Variants in TMEM245 observed in about 807,000 individuals in gnomAD.
TMEM245 encodes the protein transmembrane protein 245.
In TMEM245, 69 loss-of-function variants were observed where a neutral mutation model predicts 101.2. The ratio of observed to expected loss-of-function variants is 0.68; its 90% CI spans 0.56 to 0.83. The LOEUF (loss-of-function observed/expected upper bound fraction) is 0.83. Ranked by LOEUF, TMEM245 falls within the 40% of genes least tolerant of loss-of-function variation. The pLI, the probability that TMEM245 is intolerant of heterozygous loss-of-function variation, is 0.00. For missense variants in TMEM245, 1,075 were observed against 1,092.8 expected (o/e 0.98, Z 0.23); for synonymous variants, 537 against 449.8 (o/e 1.19, Z -2.45).
chr9:109,105,235 A>G (rs1035509349), intron 3 of TMEM245, among the ~76,000 whole-genome samples: 3 of 152,252 alleles, frequency 2.0e-5, no homozygotes, highest in African/African-American at 7.2e-5. Context: ...ACAAATGGCC[A>G]AAAAGCAAAT....
chr9:109,041,828 AT>A (rs1211067015), intron 14 of TMEM245, among the ~76,000 whole-genome samples: 2 of 152,046 alleles, frequency 1.3e-5, no homozygotes, highest in African/African-American at 4.8e-5. Context: ...AATATATAGC[AT>A]TCATTTTTAT....
intron 17 of TMEM245, among the ~76,000 whole-genome samples, chr9:109,023,443 T>C (rs1431563197): frequency 6.6e-6 from 1 of 152,218 alleles, no homozygotes; most frequent in Non-Finnish European, 1.5e-5. Context: ...CTGAAAATGT[T>C]TAACATCCTA....
intron 6 of TMEM245, among the ~76,000 whole-genome samples, chr9:109,086,326 C>T (rs1046731569): frequency 2.8e-4 from 42 of 152,168 alleles, no homozygotes; most frequent in Admixed American, 1.9e-3. Context: ...TTGCACTGCT[C>T]CGTCTGCTTG....
chr9:109,119,503 G>GGCCTCGAC lies in TMEM245; in HGVS notation c.403_410dup (p.Leu138SerfsTer69). The GGCCTCGAC allele has an allele frequency of 6.6e-7, 1 of 1,512,500 alleles. No individual in the cohort carries two copies. The highest frequency in any genetic ancestry group is 8.8e-7 in the Non-Finnish European group (1 of 1,136,832). The allele number at this position is 1,512,500 out of a possible 1,614,324, so 93.7% of individuals were successfully genotyped here. ...GGCGGCGCAGCGCCTGCTCGCCCAGGGCCTCGACGCCGTAGTCGACGAAGC... is the reference window on the plus strand; with the variant it reads ...GGCGGCGCAGCGCCTGCTCGCCCAGGGCCTCGACGCCTCGACGCCGTAGTCGACGAAGC... On this transcript the variant is annotated frameshift_variant, in exon 1 of 18. Coordinates refer to ENST00000374586, the MANE Select transcript of TMEM245 (RefSeq NM_032012.4). LOFTEE classifies it high-confidence loss of function.
At chr9:109,042,900 C>T (rs575107952) in intron 14 of TMEM245, among the ~76,000 whole-genome samples, 2 of 133,532 alleles carry the variant, frequency 1.5e-5, no homozygotes, top group Admixed American at 1.7e-4. Flanking sequence ...GGCTAGAGTG[C>T]AGTGGTGCAA....
intron 8 of TMEM245, among the ~76,000 whole-genome samples, chr9:109,076,819 T>C (rs1217141682): frequency 6.6e-6 from 1 of 152,120 alleles, no homozygotes; most frequent in Non-Finnish European, 1.5e-5. Context: ...GCCTCCTAAG[T>C]AGCTGGGACT....
At position 109,071,466 on chromosome 9, in the gene TMEM245, T is replaced by C. The variant is rs76471057; in HGVS notation, c.1532+1890A>G. ...AAAAAATATAAAAATTAGCCGAGTA[T>C]AGTGGCTCATGCCTGTAGTCCCAGC... On this transcript the variant is annotated intron_variant, in intron 9 of 17. Transcript: ENST00000374586. Among the ~76,000 whole-genome samples, 1,367 of 151,680 alleles carry C rather than the reference T, an allele frequency of 9.0e-3. 51 individuals are homozygous for C. Among genetic ancestry groups the C allele is most frequent in the Admixed American group, 0.067 (1,014 of 15,246 alleles).
intron 17 of TMEM245, among the ~76,000 whole-genome samples, chr9:109,025,931 G>A (rs565037608): frequency 1.3e-5 from 2 of 152,298 alleles, no homozygotes; most frequent in African/African-American, 4.8e-5. Flanking sequence ...TTTCCTTAGG[G>A]AGAATGGGCA....
At chr9:109,041,396 G>C (rs1828300066) in intron 14 of TMEM245, among the ~76,000 whole-genome samples, 4 of 151,212 alleles carry the variant, frequency 2.6e-5, no homozygotes, top group Admixed American at 2.6e-4. Context: ...ACTGCATGTG[G>C]AATGTAAGAG....
intron 2 of TMEM245, among the ~76,000 whole-genome samples, chr9:109,108,246 T>C (rs16913828): frequency 0.022 from 3,370 of 152,184 alleles, 124 homozygotes; most frequent in African/African-American, 0.077. Flanking sequence ...AAAGGACCTT[T>C]TGGAAAATGA....
chr9:109,020,653 G>GCTCATT (rs1827593480), intron 17 of TMEM245, 148 bp from the exon 18 acceptor site: 1 of 723,330 alleles, frequency 1.4e-6, no homozygotes, highest in Admixed American at 2.9e-5. Context: ...GCTAGTTGTT[G>GCTCATT]CTCATTCTCA....
intron 17 of TMEM245, among the ~76,000 whole-genome samples, chr9:109,032,391 T>C (rs984662324): frequency 4.0e-5 from 4 of 98,890 alleles, no homozygotes; most frequent in Non-Finnish European, 7.8e-5. Flanking sequence ...TTTTTTTTTT[T>C]TTTTTTTTTT....
chr9:109,072,478 G>A (rs1829363913), intron 9 of TMEM245, among the ~76,000 whole-genome samples: 1 of 152,150 alleles, frequency 6.6e-6, no homozygotes, highest in Non-Finnish European at 1.5e-5. Flanking sequence ...AAACAGTGTG[G>A]AGACCAGAGC....
rs117429329 is a variant in TMEM245, at chr9:109,101,062, T to C, written c.799+5446A>G. Among the ~76,000 whole-genome samples, 124 of 152,172 alleles carry C rather than the reference T, an allele frequency of 8.1e-4. 1 individual carries two copies. The East Asian group carries it at 0.021, about 26-fold the overall frequency. On this transcript the variant is annotated intron_variant, in intron 3 of 17. Coordinates refer to ENST00000374586, the MANE Select transcript of TMEM245 (RefSeq NM_032012.4). ...CCAGGAGTTAAGCTGCAGTGAGCTA[T>C]GGTCACACCACCACTGCACTCCAGC...
At chr9:109,104,223 T>C (rs1027659362) in intron 3 of TMEM245, among the ~76,000 whole-genome samples, 3 of 152,168 alleles carry the variant, frequency 2.0e-5, no homozygotes, top group Admixed American at 6.5e-5. Context: ...GGATAAATAC[T>C]TGAGGGGATG....
At chr9:109,068,044 T>C (rs1829220206) in intron 9 of TMEM245, among the ~76,000 whole-genome samples, 1 of 152,080 alleles carries the variant, frequency 6.6e-6, no homozygotes, top group Non-Finnish European at 1.5e-5. Context: ...TCAGACCTTC[T>C]ATGAATCACC....
chr9:109,066,242 C>T (rs966781339), intron 9 of TMEM245, among the ~76,000 whole-genome samples: 1 of 151,760 alleles, frequency 6.6e-6, no homozygotes, highest in Non-Finnish European at 1.5e-5. Flanking sequence ...TTACTTGAGG[C>T]CAAGAGTTCA....
At chr9:109,108,084 T>C (rs147362730) in intron 2 of TMEM245, among the ~76,000 whole-genome samples, 76 of 152,228 alleles carry the variant, frequency 5.0e-4, no homozygotes, top group African/African-American at 1.7e-3. Context: ...TTATCCAGAG[T>C]AAACATCTCT....
In TMEM245 at chr9:109,073,844, CTTTTTTTTTTTGT is replaced by C. The variant is rs1829407559; in HGVS notation, c.1450-419_1450-407del. ...GACAAACAGGCAAATAAGGAACTAA[CTTTTTTTTTTTGT>C]TTTTTTTTTTTTTTTTTTAGCCAGG... On this transcript the variant is annotated intron_variant, in intron 8 of 17. Transcript: ENST00000374586. 4.9e-5 allele frequency among the ~76,000 whole-genome samples: 6 copies of C among 121,570 alleles called. No homozygotes were observed. The South Asian group carries it at 7.6e-4, about 15-fold the overall frequency. The allele number at this position is 121,570 out of a possible 152,430, so 79.8% of individuals were successfully genotyped here. A position where few individuals can be genotyped will look rare whatever the true frequency, so the allele number is the denominator to read the frequency against.
Sources: allele counts gnomAD v4.1 joint callset (sites outside exome capture counted in the v4.1 genomes callset), GRCh38; gene constraint gnomAD v4.1.1; transcripts MANE v1.5; gene names NCBI Gene and HGNC (gene_info 2026-07-23, HGNC 2026-07-21).